FRAS1: variants seen among roughly 807,000 people sequenced by gnomAD.
FRAS1 encodes the protein Fraser extracellular matrix complex subunit 1, also known as extracellular matrix organizing protein FRAS1.
In FRAS1, 290 loss-of-function variants were observed where a neutral mutation model predicts 435.2. The observed-to-expected ratio is 0.67, with a 90% CI of 0.61 to 0.73. FRAS1 has a LOEUF of 0.73. Among genes scored for constraint, FRAS1 ranks in the 30% least tolerant of loss-of-function variants. The pLI is 0.00. For synonymous variants in FRAS1, 1,800 were observed against 1,851.0 expected (o/e 0.97, Z 0.71); for missense variants, 4,860 against 5,001.5 (o/e 0.97, Z 0.85).
chr4:78,522,510 G>A (rs1035757818), intron 68 of FRAS1, 139 bp from the exon 69 acceptor site: 1 of 714,138 alleles, frequency 1.4e-6, no homozygotes, highest in Non-Finnish European at 2.3e-6. Flanking sequence ...ATATTCTAAG[G>A]GGCAAAATGG....
chr4:78,456,617 T>A (rs1230815504), intron 47 of FRAS1, among the ~76,000 whole-genome samples: 1 of 152,114 alleles, frequency 6.6e-6, no homozygotes, highest in Non-Finnish European at 1.5e-5. Flanking sequence ...CAACACTGGT[T>A]TTCAAGGGAT....
chr4:78,156,544 T>G (rs1247009640), intron 2 of FRAS1, among the ~76,000 whole-genome samples: 19 of 152,160 alleles, frequency 1.2e-4, no homozygotes, highest in Non-Finnish European at 1.5e-5. Context: ...GCCCACCTGG[T>G]CAATGGAGGT....
chr4:78,457,612 C>T (rs1404138881), intron 47 of FRAS1, among the ~76,000 whole-genome samples: 1 of 152,220 alleles, frequency 6.6e-6, no homozygotes, highest in Non-Finnish European at 1.5e-5. Flanking sequence ...AAAATCCTTT[C>T]ATCAGCTATT....
chr4:78,079,095 G>C (rs919812251), intron 2 of FRAS1, among the ~76,000 whole-genome samples: 3 of 152,180 alleles, frequency 2.0e-5, no homozygotes. Flanking sequence ...TAATAGATGA[G>C]AAGAGCATGT....
In FRAS1 at chr4:78,139,251, G is replaced by A. The variant is rs963028644; in HGVS notation, c.108+73235G>A. 3.9e-5 allele frequency among the ~76,000 whole-genome samples: 6 copies of A among 152,262 alleles called. No homozygotes were observed. The East Asian group carries it at 5.8e-4, about 15-fold the overall frequency. On this transcript the variant is annotated intron_variant, in intron 2 of 73. Coordinates refer to ENST00000512123, the MANE Select transcript of FRAS1 (RefSeq NM_025074.7). Reference sequence around the variant, plus strand: ...GCTGAGGAACAGGACCTTGGGATGTGACAGTATAAGAAGCAAGGATACAGA... The same window carrying A: ...GCTGAGGAACAGGACCTTGGGATGTAACAGTATAAGAAGCAAGGATACAGA...
intron 4 of FRAS1, 142 bp from the exon 5 acceptor site, chr4:78,252,250 C>T (rs1351296560): frequency 4.1e-6 from 3 of 734,716 alleles, no homozygotes; most frequent in African/African-American, 3.6e-5. Context: ...CCACTCTCAA[C>T]CTTGCAAGCT....
At chr4:78,445,424 CT>C (rs371903008) in intron 41 of FRAS1, 97 bp from the exon 42 acceptor site, 844 of 1,361,364 alleles carry the variant, frequency 6.2e-4, no homozygotes, top group South Asian at 2.4e-3. Flanking sequence ...AATACATTTT[CT>C]TTTTTTTTGC....
chr4:78,278,042 G>A (rs4859524), intron 9 of FRAS1, among the ~76,000 whole-genome samples: 56,506 of 151,952 alleles, frequency 0.37, 10,815 homozygotes, highest in South Asian at 0.59. Context: ...CTCGTGATCC[G>A]CCCGCCTCGG....
At chr4:78,356,208 C>CA (rs1410009164) in intron 20 of FRAS1, among the ~76,000 whole-genome samples, 1 of 152,136 alleles carries the variant, frequency 6.6e-6, no homozygotes, top group Non-Finnish European at 1.5e-5. Flanking sequence ...TGGAAATTGT[C>CA]ACACATGCAG....
At chr4:78,311,337 G>A (rs1729011125) in intron 15 of FRAS1, among the ~76,000 whole-genome samples, 1 of 152,096 alleles carries the variant, frequency 6.6e-6, no homozygotes, top group Non-Finnish European at 1.5e-5. Flanking sequence ...GTTACAAAGT[G>A]CATGCTGTTT....
At chr4:78,456,762 G>A (rs1719214679) in intron 47 of FRAS1, among the ~76,000 whole-genome samples, 1 of 152,198 alleles carries the variant, frequency 6.6e-6, no homozygotes, top group South Asian at 2.1e-4. Context: ...CAATGAATGG[G>A]ATAAGCCCTG....
intron 2 of FRAS1, among the ~76,000 whole-genome samples, chr4:78,132,043 T>C (rs1006978979): frequency 6.6e-6 from 1 of 152,218 alleles, no homozygotes; most frequent in African/African-American, 2.4e-5. Context: ...TCTTAGCCTG[T>C]AAATGTTAAA....
intron 2 of FRAS1, among the ~76,000 whole-genome samples, chr4:78,084,174 T>C (rs958676094): frequency 6.6e-6 from 1 of 152,278 alleles, no homozygotes; most frequent in Middle Eastern, 3.4e-3. Context: ...GTATGGTACA[T>C]ACAATCAAAT....
At position 78,472,908 on chromosome 4, in the gene FRAS1, C is replaced by T. The variant is rs1485692282; in HGVS notation, c.7523-530C>T. On this transcript the variant is annotated intron_variant, in intron 52 of 73. Transcript: ENST00000512123. Reference sequence around the variant, plus strand: ...AAAACTGCATCTCAAAATTCATGCTCCATGAATTTTCTTTTTACTCTCTGT... The same window carrying T: ...AAAACTGCATCTCAAAATTCATGCTTCATGAATTTTCTTTTTACTCTCTGT... Among the ~76,000 whole-genome samples the T allele has an allele frequency of 3.3e-5, 5 of 152,134 alleles. No individual in the cohort carries two copies. The East Asian group carries it at 9.6e-4, about 29-fold the overall frequency.
chr4:78,151,485 A>G (rs574870833), intron 2 of FRAS1, among the ~76,000 whole-genome samples: 6 of 152,252 alleles, frequency 3.9e-5, no homozygotes, highest in African/African-American at 1.2e-4. Context: ...CACTTGCCCC[A>G]CTATCCACAA....
In FRAS1 at chr4:78,341,001, G is replaced by A. The variant is rs138371089; in HGVS notation, c.2422+3184G>A. On this transcript the variant is annotated intron_variant, in intron 20 of 73. Coordinates refer to ENST00000512123, the MANE Select transcript of FRAS1 (RefSeq NM_025074.7). ...CATGAATTTTCAGAGAATGAATTCAGCCCACAACAGAAGGGAGTGGGTGTT... is the reference window on the plus strand; with the variant it reads ...CATGAATTTTCAGAGAATGAATTCAACCCACAACAGAAGGGAGTGGGTGTT... Among the ~76,000 whole-genome samples, 86 of 152,292 alleles carry A rather than the reference G, an allele frequency of 5.6e-4. 3 individuals are homozygous for A. In the East Asian group the frequency reaches 0.015, roughly 27 times the overall value.
chr4:78,314,695 T>G (rs1330972912), intron 15 of FRAS1, among the ~76,000 whole-genome samples: 1 of 152,204 alleles, frequency 6.6e-6, no homozygotes, highest in Non-Finnish European at 1.5e-5. Context: ...ACTACTGTTT[T>G]CCTGGGCAGC....
At chr4:78,441,333 A>G (rs145417405) in intron 41 of FRAS1, 36 bp downstream of exon 41, 5 of 1,589,638 alleles carry the variant, frequency 3.1e-6, no homozygotes, top group Admixed American at 1.8e-5. Context: ...GGACCTTGAG[A>G]GAAGGGAGGG....
chr4:78,181,417 C>T (rs1721994180), intron 2 of FRAS1: 10 of 1,611,946 alleles, frequency 6.2e-6, no homozygotes, highest in Admixed American at 5.0e-5. Context: ...CCTCGTGCTT[C>T]AGGCCACTGT....
Sources: gnomAD v4.1 joint callset for allele counts (sites outside exome capture counted in the v4.1 genomes callset) on GRCh38, gnomAD v4.1.1 for gene constraint, MANE v1.5 for transcripts, NCBI Gene and HGNC (gene_info 2026-07-23, HGNC 2026-07-21) for gene names.